Variants in CNTNAP2 observed in about 807,000 individuals in gnomAD.
CNTNAP2 encodes the protein contactin-associated protein-like 2.
A neutral mutation model predicts 155.2 loss-of-function variants in CNTNAP2; 98 were observed. The ratio of observed to expected loss-of-function variants is 0.63; its 90% CI spans 0.54 to 0.75. The LOEUF is 0.75. CNTNAP2 is among the 30% of genes least tolerant of loss of function. The probability of loss-of-function intolerance (pLI) is 0.00; values close to 1 mark genes in which losing one functional copy is unlikely to be tolerated. For synonymous variants in CNTNAP2, 651 were observed against 631.2 expected (o/e 1.03, Z -0.47); for missense variants, 1,727 against 1,688.1 (o/e 1.02, Z -0.40).
At chr7:146,622,204 C>T (rs1799333392) in intron 1 of CNTNAP2, among the ~76,000 whole-genome samples, 1 of 141,288 alleles carries the variant, frequency 7.1e-6, no homozygotes, top group African/African-American at 2.8e-5. Flanking sequence ...TATATATACA[C>T]ACATATACAC....
chr7:147,050,181 C>A (rs12540353), intron 4 of CNTNAP2, among the ~76,000 whole-genome samples: 1,734 of 152,234 alleles, frequency 0.011, 104 homozygotes, highest in Admixed American at 0.093. Context: ...TCTCCCACAG[C>A]GCAGACACTA....
At chr7:147,462,240 GC>G (rs1160443228) in intron 10 of CNTNAP2, among the ~76,000 whole-genome samples, 3 of 152,104 alleles carry the variant, frequency 2.0e-5, no homozygotes, top group Non-Finnish European at 4.4e-5. Context: ...ACAGTATCCT[GC>G]CCATGCGTCT....
At chr7:146,858,629 G>A (rs970568289) in intron 3 of CNTNAP2, among the ~76,000 whole-genome samples, 9 of 152,144 alleles carry the variant, frequency 5.9e-5, no homozygotes, top group African/African-American at 1.7e-4. Context: ...AGGAGGTCGA[G>A]GCTGCAGTCA....
chr7:148,343,610 T>C (rs1032924963), intron 21 of CNTNAP2, among the ~76,000 whole-genome samples: 4 of 152,224 alleles, frequency 2.6e-5, no homozygotes, highest in Admixed American at 6.5e-5. Context: ...GACTGATCAG[T>C]AATTGTCAGG....
chr7:147,135,533 A>C (rs564317086), intron 8 of CNTNAP2, among the ~76,000 whole-genome samples: 2 of 151,998 alleles, frequency 1.3e-5, no homozygotes, highest in South Asian at 4.1e-4. Flanking sequence ...AAACAGGTGC[A>C]AAAAGGGTCT....
chr7:147,311,940 C>T (rs1392043262), intron 9 of CNTNAP2, among the ~76,000 whole-genome samples: 4 of 151,998 alleles, frequency 2.6e-5, no homozygotes, highest in Non-Finnish European at 5.9e-5. Context: ...TTTAGGCAAT[C>T]AATTATTTGT....
intron 1 of CNTNAP2, among the ~76,000 whole-genome samples, chr7:146,165,133 A>G (rs1798293419): frequency 6.6e-6 from 1 of 152,046 alleles, no homozygotes; most frequent in Non-Finnish European, 1.5e-5. Flanking sequence ...GATTTGGGTA[A>G]ACTTTTCTTT....
At chr7:146,269,964 T>A (rs1400510386) in intron 1 of CNTNAP2, among the ~76,000 whole-genome samples, 1 of 152,200 alleles carries the variant, frequency 6.6e-6, no homozygotes. Flanking sequence ...CTGTCTTTGT[T>A]AAACATGGGA....
At chr7:147,866,473 T>C (rs1290401693) in intron 13 of CNTNAP2, among the ~76,000 whole-genome samples, 1 of 152,214 alleles carries the variant, frequency 6.6e-6, no homozygotes, top group East Asian at 1.9e-4. Context: ...CTGGATATCC[T>C]TGTTAACCTT....
chr7:146,720,621 A>C (rs1032208102), intron 1 of CNTNAP2, among the ~76,000 whole-genome samples: 2 of 152,062 alleles, frequency 1.3e-5, no homozygotes, highest in African/African-American at 2.4e-5. Flanking sequence ...AGGAACTCCA[A>C]AATAAAAAAT....
intron 1 of CNTNAP2, among the ~76,000 whole-genome samples, chr7:146,253,994 C>G (rs902819787): frequency 2.0e-5 from 3 of 151,938 alleles, no homozygotes; most frequent in Non-Finnish European, 4.4e-5. Context: ...CCCAGGAAGT[C>G]GAGGCTGCAG....
rs576095570 is a variant in CNTNAP2 at position 147,878,124 on chromosome 7, T to C, written c.2099-25441T>C. ...TTTAGGTATGTTTTTCAGTGGAAAGTTTAGCATTGGAAGTTTAGGGTTTTT... is the reference window on the plus strand; with the variant it reads ...TTTAGGTATGTTTTTCAGTGGAAAGCTTAGCATTGGAAGTTTAGGGTTTTT... On this transcript the variant is annotated intron_variant, in intron 13 of 23. Transcript: ENST00000361727. Among the ~76,000 whole-genome samples, 260 of 147,394 alleles carry C rather than the reference T, an allele frequency of 1.8e-3. 1 individual carries two copies. The highest frequency in any genetic ancestry group is 3.1e-3 in the Non-Finnish European group (211 of 67,354).
intron 13 of CNTNAP2, among the ~76,000 whole-genome samples, chr7:147,697,353 C>T (rs1163803514): frequency 4.6e-5 from 7 of 152,098 alleles, no homozygotes; most frequent in African/African-American, 9.7e-5. Flanking sequence ...ATAATTCCAA[C>T]GTCCCTACCA....
intron 13 of CNTNAP2, among the ~76,000 whole-genome samples, chr7:147,779,202 C>T (rs2116552105): frequency 6.6e-6 from 1 of 152,314 alleles, no homozygotes; most frequent in Admixed American, 6.5e-5. Flanking sequence ...CATTATGCAT[C>T]CTCTTGCAGC....
Position 148,383,506 on chromosome 7 carries a change from CAT to C in CNTNAP2, c.3476-142_3476-141del, listed in dbSNP as rs375291721. 1,382 of 1,195,870 alleles carry C rather than the reference CAT, an allele frequency of 1.2e-3. 13 individuals carry two copies. The African/African-American group carries it at 0.018, about 16-fold the overall frequency. 74.1% of individuals were successfully genotyped at this position (1,195,870 alleles called of 1,614,324 possible). A position where few individuals can be genotyped will look rare whatever the true frequency, so the allele number is the denominator to read the frequency against. On this transcript the variant is annotated intron_variant, in intron 21 of 23. Coordinates refer to ENST00000361727, the MANE Select transcript of CNTNAP2 (RefSeq NM_014141.6). ...TATGCAGCCCTAAATCTTATCGACC[CAT>C]TAATATTTCATCCAAAACAATGTAA... is the stretch of plus-strand genomic sequence containing the variant.
intron 1 of CNTNAP2, among the ~76,000 whole-genome samples, chr7:146,417,264 A>T (rs1639503): frequency 0.036 from 5,475 of 152,252 alleles, 351 homozygotes; most frequent in African/African-American, 0.12. Context: ...ATGAGACTTT[A>T]TGTCAGTTTT....
intron 13 of CNTNAP2, among the ~76,000 whole-genome samples, chr7:147,900,387 T>C (rs1011274502): frequency 6.6e-6 from 1 of 152,124 alleles, no homozygotes; most frequent in Non-Finnish European, 1.5e-5. Context: ...GATAATTGCC[T>C]GGCACTTCCC....
chr7:147,253,374 AG>A (rs1804246057), intron 8 of CNTNAP2, among the ~76,000 whole-genome samples: 1 of 147,970 alleles, frequency 6.8e-6, no homozygotes, highest in Non-Finnish European at 1.5e-5. Context: ...TTAGCTTAAC[AG>A]GTTCTCTGTT....
At chr7:147,234,334 CTTTT>C (rs1225048153) in intron 8 of CNTNAP2, among the ~76,000 whole-genome samples, 1 of 107,556 alleles carries the variant, frequency 9.3e-6, no homozygotes, top group African/African-American at 3.7e-5. Flanking sequence ...CAAGAGTATT[CTTTT>C]TTTTTTTTTT....
Sources: allele counts gnomAD v4.1 joint callset (sites outside exome capture counted in the v4.1 genomes callset), GRCh38; gene constraint gnomAD v4.1.1; transcripts MANE v1.5; gene names NCBI Gene and HGNC (gene_info 2026-07-23, HGNC 2026-07-21).